CMIP: variants seen among roughly 807,000 people sequenced by gnomAD.
CMIP encodes the protein C-Maf-inducing protein.
CMIP carries 13 observed loss-of-function variants against 97.3 expected under a neutral mutation model. The observed-to-expected ratio is 0.13, with a 90% CI of 0.09 to 0.21. CMIP has a LOEUF of 0.21. CMIP is among the 10% of genes least tolerant of loss of function. The pLI is 1.00. For synonymous variants in CMIP, 538 were observed against 436.3 expected (o/e 1.23, Z -2.91); for missense variants, 847 against 1,024.9 (o/e 0.83, Z 2.37).
At chr16:81,473,199 C>G (rs1014367558) in intron 1 of CMIP, among the ~76,000 whole-genome samples, 2 of 152,262 alleles carry the variant, frequency 1.3e-5, no homozygotes, top group African/African-American at 4.8e-5. Flanking sequence ...ATGTCGGCCT[C>G]TGTCTCTGCA....
intron 1 of CMIP, among the ~76,000 whole-genome samples, chr16:81,498,411 G>T (rs1050159415): frequency 2.6e-5 from 4 of 152,150 alleles, no homozygotes; most frequent in Non-Finnish European, 4.4e-5. Flanking sequence ...GGCCTTTTTG[G>T]TCTGGGTCCT....
At chr16:81,693,542 C>T (rs772316784) in intron 13 of CMIP, 55 bp downstream of exon 13, 102 of 1,571,240 alleles carry the variant, frequency 6.5e-5, no homozygotes, top group Non-Finnish European at 8.5e-5. Flanking sequence ...GCAGGATGCA[C>T]GAGGGCCCCT....
chr16:81,458,375 C>T (rs776613674), intron 1 of CMIP, among the ~76,000 whole-genome samples: 16 of 152,160 alleles, frequency 1.1e-4, no homozygotes, highest in Admixed American at 4.6e-4. Flanking sequence ...ACTGCAAAGA[C>T]GAACAGTCTG....
chr16:81,533,299 A>G (rs557050110), intron 1 of CMIP, among the ~76,000 whole-genome samples: 4 of 152,308 alleles, frequency 2.6e-5, no homozygotes, highest in African/African-American at 9.6e-5. Context: ...TGCTCAGTAC[A>G]TAGTTTTGAG....
intron 1 of CMIP, among the ~76,000 whole-genome samples, chr16:81,535,063 G>A (rs915269036): frequency 2.6e-5 from 4 of 152,096 alleles, no homozygotes; most frequent in African/African-American, 9.7e-5. Context: ...CCATTCTCCT[G>A]CCTCAGCCTC....
intron 1 of CMIP, among the ~76,000 whole-genome samples, chr16:81,577,105 TC>T (rs1244897218): frequency 7.1e-6 from 1 of 141,522 alleles, no homozygotes; most frequent in Non-Finnish European, 1.5e-5. Context: ...ATTATCACTA[TC>T]ACCATCACCA....
intron 1 of CMIP, among the ~76,000 whole-genome samples, chr16:81,537,546 C>CAAAAAAAAAGA (rs2090366841): frequency 2.4e-5 from 2 of 82,086 alleles, no homozygotes; most frequent in Non-Finnish European, 4.6e-5. Flanking sequence ...AAAAAAAAGA[C>CAAAAAAAAAGA]AAAAAAAAAA....
intron 20 of CMIP, among the ~76,000 whole-genome samples, chr16:81,708,322 A>G (rs962726524): frequency 2.0e-5 from 3 of 152,182 alleles, no homozygotes; most frequent in African/African-American, 7.2e-5. Flanking sequence ...GGGCCAACAG[A>G]AATGCAGGAT....
At chr16:81,608,103 T>C (rs1309745229) in intron 2 of CMIP, among the ~76,000 whole-genome samples, 1 of 152,208 alleles carries the variant, frequency 6.6e-6, no homozygotes, top group Non-Finnish European at 1.5e-5. Context: ...GTTTCTGATA[T>C]CTTGTTGATC....
At chr16:81,654,101 T>C (rs1290159974) in intron 4 of CMIP, among the ~76,000 whole-genome samples, 1 of 152,182 alleles carries the variant, frequency 6.6e-6, no homozygotes, top group Non-Finnish European at 1.5e-5. Context: ...CACCACACCC[T>C]TATTAAATCA....
At chr16:81,557,785 G>A (rs2090795346) in intron 1 of CMIP, among the ~76,000 whole-genome samples, 1 of 152,144 alleles carries the variant, frequency 6.6e-6, no homozygotes, top group Admixed American at 6.5e-5. Flanking sequence ...GACAATTGTG[G>A]TGAAATACAC....
rs1458650339 is a variant in CMIP, at chr16:81,453,939, G to A, written c.300+8398G>A. 1.3e-5 allele frequency among the ~76,000 whole-genome samples: 2 copies of A among 152,212 alleles called. No individual in the cohort carries two copies. The highest frequency in any genetic ancestry group is 4.8e-5 in the African/African-American group (2 of 41,446). ...GAACATGGTTTACATGTGCGTCTGG[G>A]AGGAAGAGGAGAGCATGGAAGCGAT... On this transcript the variant is annotated intron_variant, in intron 1 of 20. Transcript: ENST00000537098. The surrounding 1 kb of genome is among the most constrained non-coding windows in gnomAD (Gnocchi z 4.0).
intron 2 of CMIP, among the ~76,000 whole-genome samples, chr16:81,608,332 T>C (rs1218171406): frequency 6.6e-6 from 1 of 152,106 alleles, no homozygotes; most frequent in Non-Finnish European, 1.5e-5. Context: ...GGGGGTCAGA[T>C]GACATCATTA....
At chr16:81,508,689 A>G (rs534393475) in intron 1 of CMIP, among the ~76,000 whole-genome samples, 2 of 152,320 alleles carry the variant, frequency 1.3e-5, no homozygotes, top group Non-Finnish European at 2.9e-5. Context: ...CTGCATTGGG[A>G]GTTTCAGCAC....
chr16:81,502,027 A>G (rs2089623025), intron 1 of CMIP, among the ~76,000 whole-genome samples: 1 of 152,194 alleles, frequency 6.6e-6, no homozygotes, highest in African/African-American at 2.4e-5. Context: ...TGCCTACTAT[A>G]TGCTAGGCCC....
At chr16:81,569,249 C>T (rs1362174582) in intron 1 of CMIP, among the ~76,000 whole-genome samples, 2 of 152,182 alleles carry the variant, frequency 1.3e-5, no homozygotes, top group Admixed American at 6.5e-5. Context: ...ATCATGCATT[C>T]TATACATACT....
intron 1 of CMIP, among the ~76,000 whole-genome samples, chr16:81,560,136 G>A (rs1274855474): frequency 7.9e-6 from 1 of 126,330 alleles, no homozygotes; most frequent in Non-Finnish European, 1.7e-5. Context: ...GACAGAGCGA[G>A]ACTCTGTCTT....
intron 1 of CMIP, among the ~76,000 whole-genome samples, chr16:81,488,255 G>A (rs1055266523): frequency 6.6e-6 from 1 of 152,146 alleles, no homozygotes; most frequent in Non-Finnish European, 1.5e-5. Context: ...ATATTCCAGA[G>A]CCAGTCTGCA....
intron 1 of CMIP, among the ~76,000 whole-genome samples, chr16:81,544,138 G>A (rs1437985722): frequency 1.3e-5 from 2 of 152,188 alleles, no homozygotes; most frequent in African/African-American, 2.4e-5. Flanking sequence ...GGGTCCCCCC[G>A]CCCCAATTAT....
Sources: gnomAD v4.1 joint callset for allele counts (sites outside exome capture counted in the v4.1 genomes callset) on GRCh38, gnomAD v4.1.1 for gene constraint, Gnocchi (gnomAD v3.1) non-coding constraint, MANE v1.5 for transcripts, NCBI Gene and HGNC (gene_info 2026-07-23, HGNC 2026-07-21) for gene names.